ATG2B: variants seen among roughly 807,000 people sequenced by gnomAD.
ATG2B encodes autophagy related 2B.
Under a neutral mutation model 241.3 loss-of-function variants are expected in ATG2B, and 121 were observed. The ratio of observed to expected loss-of-function variants is 0.50; its 90% CI spans 0.43 to 0.58. The LOEUF is 0.58. Ranked by LOEUF, ATG2B falls within the 20% of genes least tolerant of loss-of-function variation. ATG2B has a pLI of 0.00. For synonymous variants in ATG2B, 858 were observed against 876.6 expected (o/e 0.98, Z 0.37); for missense variants, 2,306 against 2,491.6 (o/e 0.93, Z 1.59).
chr14:96,300,276 T>A (rs887791712), intron 34 of ATG2B, among the ~76,000 whole-genome samples: 5 of 152,178 alleles, frequency 3.3e-5, no homozygotes, highest in Admixed American at 2.0e-4. Flanking sequence ...TCCCAGCACT[T>A]TGGGAGGCCA....
chr14:96,347,143 A>G, intron 2 of ATG2B, 36 bp downstream of exon 2: 1 of 1,480,076 alleles, frequency 6.8e-7, no homozygotes, highest in South Asian at 1.4e-5. Flanking sequence ...TCTGAAGAAT[A>G]AAAACACATA....
At chr14:96,305,562 A>C (rs748182615) in intron 31 of ATG2B, 27 bp downstream of exon 31, 8 of 1,504,684 alleles carry the variant, frequency 5.3e-6, no homozygotes, top group Non-Finnish European at 6.4e-6. Context: ...TGGCCTCCCA[A>C]ATAAACTTAT....
At chr14:96,310,076 T>TA (rs1192887073) in intron 28 of ATG2B, among the ~76,000 whole-genome samples, 1 of 152,130 alleles carries the variant, frequency 6.6e-6, no homozygotes, top group Non-Finnish European at 1.5e-5. Context: ...CAGCACCAAA[T>TA]ACTTAACCAA....
At chr14:96,302,202 C>T in intron 33 of ATG2B, 94 bp from the exon 34 acceptor site, 2 of 744,528 alleles carry the variant, frequency 2.7e-6, no homozygotes, top group Non-Finnish European at 4.4e-6. Context: ...ATTCCTATTC[C>T]TATACCATAT....
rs1356784884 is a variant in ATG2B, at chr14:96,289,873, C to T, written c.5857-68G>A. 6.5e-7 allele frequency: 1 copy of T among 1,535,752 alleles called. No homozygotes were observed. The highest frequency in any genetic ancestry group is 1.4e-5 in the African/African-American group (1 of 73,142). ...TCTGAAGAGTTACGGACCAGCAGAG[C>T]ACTTCCTACAGGGAGTGAGGAAGAG... On this transcript the variant is annotated intron_variant, in intron 40 of 41. Transcript: ENST00000359933. This position sits in a 1 kb window ranked among gnomAD's most constrained non-coding sequence, Gnocchi z 4.3.
chr14:96,303,346 T>C lies in ATG2B; in HGVS notation c.4843-91A>G, dbSNP rs1008512836. On this transcript the variant is annotated intron_variant, in intron 32 of 41. Transcript: ENST00000359933. ...TCTTTAAAATGCAAAATATCACTCATTTTTCCTCTGAATTCTACCTCAGCT... is the reference window on the plus strand; with the variant it reads ...TCTTTAAAATGCAAAATATCACTCACTTTTCCTCTGAATTCTACCTCAGCT... 4 of 1,085,850 alleles carry C rather than the reference T, an allele frequency of 3.7e-6. No homozygotes were observed. The African/African-American group carries it at 4.9e-5, about 13-fold the overall frequency. 67.3% of individuals were successfully genotyped at this position (1,085,850 alleles called of 1,614,324 possible). A position where few individuals can be genotyped will look rare whatever the true frequency, so the allele number is the denominator to read the frequency against.
At chr14:96,357,421 A>C (rs1888506895) in intron 1 of ATG2B, among the ~76,000 whole-genome samples, 1 of 152,136 alleles carries the variant, frequency 6.6e-6, no homozygotes, top group Admixed American at 6.5e-5. Context: ...TTACAACTGC[A>C]ATCTTCCTAT....
At chr14:96,324,901 A>T (rs1887549777) in intron 15 of ATG2B, among the ~76,000 whole-genome samples, 1 of 151,784 alleles carries the variant, frequency 6.6e-6, no homozygotes, top group Non-Finnish European at 1.5e-5. Context: ...TATTCTCATG[A>T]GGGGTGGGAG....
Position 96,356,296 on chromosome 14 carries a change from C to A in ATG2B, c.162+6519G>T, listed in dbSNP as rs552113584. ...CACCTGCATTAAATCTTCATAATAACCCTCCGAATTAGGTATTTTTGTGCC... is the reference window on the plus strand; with the variant it reads ...CACCTGCATTAAATCTTCATAATAAACCTCCGAATTAGGTATTTTTGTGCC... On this transcript the variant is annotated intron_variant, in intron 1 of 41. Coordinates refer to ENST00000359933, the MANE Select transcript of ATG2B (RefSeq NM_018036.7). Among the ~76,000 whole-genome samples the A allele has an allele frequency of 2.3e-3, 356 of 152,136 alleles. 2 individuals are homozygous for A. The highest frequency in any genetic ancestry group is 8.1e-3 in the African/African-American group (334 of 41,476).
chr14:96,354,576 T>C (rs1323671149), intron 1 of ATG2B, among the ~76,000 whole-genome samples: 12 of 152,220 alleles, frequency 7.9e-5, no homozygotes, highest in Admixed American at 7.9e-4. Flanking sequence ...AGTACTGCAA[T>C]GAACATAAGC....
chr14:96,299,108 C>T (rs1223427434), intron 34 of ATG2B, among the ~76,000 whole-genome samples: 2 of 152,140 alleles, frequency 1.3e-5, no homozygotes, highest in Non-Finnish European at 2.9e-5. Flanking sequence ...GGTGCTGCTC[C>T]ATGTTCATCC....
intron 1 of ATG2B, among the ~76,000 whole-genome samples, chr14:96,348,988 G>T (rs1217682335): frequency 1.3e-5 from 2 of 152,148 alleles, no homozygotes; most frequent in African/African-American, 2.4e-5. Flanking sequence ...TTACAAGATA[G>T]TATACCATGA....
At chr14:96,302,448 T>C (rs1299155081) in intron 33 of ATG2B, among the ~76,000 whole-genome samples, 1 of 151,996 alleles carries the variant, frequency 6.6e-6, no homozygotes, top group Admixed American at 6.6e-5. Flanking sequence ...CCAGGCACGG[T>C]GGTGCACTGC....
intron 6 of ATG2B, among the ~76,000 whole-genome samples, chr14:96,339,507 A>G (rs1407746940): frequency 6.6e-6 from 1 of 152,042 alleles, no homozygotes; most frequent in Non-Finnish European, 1.5e-5. Context: ...AAATATATGT[A>G]TATATATTTA....
At chr14:96,356,253 A>G (rs541246628) in intron 1 of ATG2B, among the ~76,000 whole-genome samples, 12 of 152,142 alleles carry the variant, frequency 7.9e-5, no homozygotes, top group African/African-American at 2.9e-4. Flanking sequence ...AGAGTGTACT[A>G]TTTTATACCT....
intron 1 of ATG2B, among the ~76,000 whole-genome samples, chr14:96,350,267 T>G (rs906825942): frequency 6.6e-6 from 1 of 152,058 alleles, no homozygotes; most frequent in Non-Finnish European, 1.5e-5. Flanking sequence ...ACAGAACTCA[T>G]AGACACCAAT....
In ATG2B at chr14:96,362,916, A is replaced by G. The variant is rs1461549989; in HGVS notation, c.61T>C (p.Tyr21His). The G allele has an allele frequency of 3.7e-6, 6 of 1,613,516 alleles. No homozygotes were observed. The highest frequency in any genetic ancestry group is 5.1e-6 in the Non-Finnish European group (6 of 1,179,962). The change falls in exon 1 of 42, where the codon TAC becomes CAC. Residue 21 changes from tyrosine to histidine, a missense_variant. Transcript: ENST00000359933. ...KRACRYLLQR[Y>H]LGHFLQEKLS... ...TTCTCCTGCAGAAAGTGGCCCAGGT[A>G]CCTCTGCAGGAGGTACCGGCAGGCC...
intron 29 of ATG2B, among the ~76,000 whole-genome samples, chr14:96,308,260 A>ATG (rs1887037124): frequency 5.8e-5 from 1 of 17,256 alleles, no homozygotes; most frequent in Admixed American, 6.8e-4. Flanking sequence ...ATACACACAT[A>ATG]TATATATATA....
rs147541804 is a variant in ATG2B at position 96,354,664 on chromosome 14, T to C, written c.163-7323A>G. On this transcript the variant is annotated intron_variant, in intron 1 of 41. Transcript: ENST00000359933. Reference sequence around the variant, plus strand: ...GTAATGAGGTTGCTAGGTCAAATGGTATTTCTGCCTCTAGGTCTCTGAGGA... The same window carrying C: ...GTAATGAGGTTGCTAGGTCAAATGGCATTTCTGCCTCTAGGTCTCTGAGGA... Among the ~76,000 whole-genome samples the C allele has an allele frequency of 4.4e-3, 675 of 152,352 alleles. 26 individuals carry two copies. The South Asian group carries it at 0.067, about 15-fold the overall frequency.
Sources: allele counts gnomAD v4.1 joint callset (sites outside exome capture counted in the v4.1 genomes callset), GRCh38; gene constraint gnomAD v4.1.1; non-coding constraint Gnocchi (gnomAD v3.1); transcripts MANE v1.5; gene names NCBI Gene and HGNC (gene_info 2026-07-23, HGNC 2026-07-21).